Variants in OTUD7A observed in about 807,000 individuals in gnomAD.
OTUD7A encodes the protein OTU deubiquitinase 7A.
Under a neutral mutation model 65.7 loss-of-function variants are expected in OTUD7A, and 12 were observed. That is an observed-to-expected ratio of 0.18 (90% CI 0.12 to 0.30). The LOEUF (loss-of-function observed/expected upper bound fraction) is 0.30, where lower values mean the gene tolerates loss of function less well. OTUD7A is among the 10% of genes least tolerant of loss of function. The probability of loss-of-function intolerance (pLI) is 1.00; values close to 1 mark genes in which losing one functional copy is unlikely to be tolerated. For missense variants in OTUD7A, 1,148 were observed against 1,304.8 expected, an observed-to-expected ratio of 0.88 and a Z score of 1.85; for synonymous variants, 641 against 586.3, an observed-to-expected ratio of 1.09 and a Z score of -1.35.
chr15:31,860,632 T>C (rs28497194), intron 1 of OTUD7A, among the ~76,000 whole-genome samples: 2,517 of 82,830 alleles, frequency 0.03, 7 homozygotes, highest in South Asian at 0.066. Flanking sequence ...GATATATATA[T>C]ATATATATAT....
intron 3 of OTUD7A, among the ~76,000 whole-genome samples, chr15:31,645,450 T>C (rs745719443): frequency 2.9e-4 from 44 of 152,182 alleles, no homozygotes; most frequent in Non-Finnish European, 5.7e-4. Flanking sequence ...CTATCCAGGT[T>C]TAATCAAAAT....
chr15:31,489,807 C>T (rs2041291445), intron 10 of OTUD7A, among the ~76,000 whole-genome samples: 1 of 152,232 alleles, frequency 6.6e-6, no homozygotes, highest in South Asian at 2.1e-4. Flanking sequence ...GGGGACTCCT[C>T]CCCTCAACAG....
intron 4 of OTUD7A, among the ~76,000 whole-genome samples, chr15:31,561,099 G>A (rs1000132952): frequency 3.3e-4 from 50 of 152,346 alleles, no homozygotes; most frequent in African/African-American, 1.2e-3. Flanking sequence ...GGGTGGTTTA[G>A]ATTCACCTTC....
chr15:31,655,364 C>T (rs531666361), intron 2 of OTUD7A, 114 bp from the exon 3 acceptor site: 4 of 562,108 alleles, frequency 7.1e-6, no homozygotes, highest in Non-Finnish European at 1.2e-5. Flanking sequence ...CCATTTCCAC[C>T]TGCTGTCATA....
chr15:31,638,846 T>C (rs1323875545), intron 3 of OTUD7A, among the ~76,000 whole-genome samples: 2 of 152,122 alleles, frequency 1.3e-5, no homozygotes, highest in East Asian at 3.9e-4. Flanking sequence ...TCTCAAAAGA[T>C]TCCTCAGGCC....
At chr15:31,758,186 A>G (rs142610627) in intron 1 of OTUD7A, among the ~76,000 whole-genome samples, 23 of 152,324 alleles carry the variant, frequency 1.5e-4, no homozygotes, top group African/African-American at 5.1e-4. Context: ...AAACACATAT[A>G]AAACTGTAGA....
intron 2 of OTUD7A, among the ~76,000 whole-genome samples, chr15:31,656,344 T>C (rs1475037402): frequency 2.0e-5 from 3 of 152,118 alleles, no homozygotes; most frequent in Admixed American, 6.5e-5. Context: ...CTGCAAGTTA[T>C]AGACCATGGG....
Position 31,483,615 on chromosome 15 carries a change from G to A in OTUD7A, c.2481C>T (p.Val827=), listed in dbSNP as rs1595547749. 4.1e-6 allele frequency: 5 copies of A among 1,205,928 alleles called. No homozygotes were observed. The highest frequency in any genetic ancestry group is 7.0e-5 in the South Asian group (2 of 28,734). The allele number at this position is 1,205,928 out of a possible 1,614,324, so 74.7% of individuals were successfully genotyped here. Residue 827 remains valine, a synonymous_variant, in exon 13 of 13, where the codon GTC becomes GTT. Coordinates refer to ENST00000307050, the MANE Select transcript of OTUD7A (RefSeq NM_001382637.1). ...SPARAAALRT[V]NTVESLARAV... is the part of the protein sequence containing the mutation. ...CGCGCGCCAGCGACTCGACCGTGTT[G>A]ACGGTGCGCAGGGCGGCGGCGCGCG... is the stretch of plus-strand genomic sequence containing the variant.
rs1348955519 is a variant in OTUD7A at position 31,478,906 on chromosome 15, A to G, written c.*4388T>C. Reference sequence around the variant, plus strand: ...ACTACCCAGGACCCACTCCCGAGTCAGTGAGGCAGCACTGGCAGAAATACA... The same window carrying G: ...ACTACCCAGGACCCACTCCCGAGTCGGTGAGGCAGCACTGGCAGAAATACA... On this transcript the variant is annotated 3_prime_UTR_variant, in exon 13 of 13. Coordinates refer to ENST00000307050, the MANE Select transcript of OTUD7A (RefSeq NM_001382637.1). 1 of 152,400 alleles carries G rather than the reference A, an allele frequency of 6.6e-6. No individual in the cohort carries two copies. Among genetic ancestry groups the G allele is most frequent in the Non-Finnish European group, 1.5e-5 (1 of 68,204 alleles). 9.4% of individuals were successfully genotyped at this position (152,400 alleles called of 1,614,324 possible). A position where few individuals can be genotyped will look rare whatever the true frequency, so the allele number is the denominator to read the frequency against.
intron 5 of OTUD7A, among the ~76,000 whole-genome samples, chr15:31,540,542 C>G (rs955691645): frequency 5.3e-5 from 8 of 152,188 alleles, no homozygotes; most frequent in African/African-American, 1.9e-4. Context: ...CTTAACCACT[C>G]TGTTTCAGTG....
At chr15:31,535,054 T>C (rs554862285) in intron 5 of OTUD7A, among the ~76,000 whole-genome samples, 8 of 152,338 alleles carry the variant, frequency 5.3e-5, no homozygotes, top group East Asian at 3.9e-4. Context: ...TACTTTGCTG[T>C]TGGGATTGTA....
chr15:31,601,665 T>G (rs1890080179), intron 3 of OTUD7A, among the ~76,000 whole-genome samples: 1 of 151,718 alleles, frequency 6.6e-6, no homozygotes, highest in Non-Finnish European at 1.5e-5. Context: ...AATCAATGAA[T>G]CCAGGAGCTA....
rs932610762 is a variant in OTUD7A, at chr15:31,749,910, T to C, written c.-99-92833A>G. On this transcript the variant is annotated intron_variant, in intron 1 of 12. Transcript: ENST00000307050. ...CGTGCAAAAATCAGTAGCATTTCTA[T>C]ACACCAATAACATTCAAGCTGGGAG... Among the ~76,000 whole-genome samples the C allele has an allele frequency of 4.6e-5, 7 of 152,116 alleles. No individual in the cohort carries two copies. In the South Asian group the frequency reaches 1.2e-3, roughly 27 times the overall value.
chr15:31,667,215 T>C (rs978811544), intron 1 of OTUD7A, among the ~76,000 whole-genome samples: 1 of 145,262 alleles, frequency 6.9e-6, no homozygotes, highest in Non-Finnish European at 1.5e-5. Flanking sequence ...TCTAGTGCTG[T>C]CAGTGGAGTA....
intron 1 of OTUD7A, among the ~76,000 whole-genome samples, chr15:31,803,739 C>T (rs1195222121): frequency 6.6e-6 from 1 of 152,226 alleles, no homozygotes; most frequent in Non-Finnish European, 1.5e-5. Flanking sequence ...GTGCCTTCCA[C>T]TGTGACCATC....
rs2041063190 is a variant in OTUD7A at position 31,478,642 on chromosome 15, G to A, written c.*4652C>T. 2 of 152,162 alleles carry A rather than the reference G, an allele frequency of 1.3e-5. No individual in the cohort carries two copies. The highest frequency in any genetic ancestry group is 1.3e-4 in the Admixed American group (2 of 15,268). The allele number at this position is 152,162 out of a possible 1,614,324, so 9.4% of individuals were successfully genotyped here. ...GACTGCACATAACTGTTGTTCCCAA[G>A]GGGTCCCTGCAGGGCATCTCCCTCG... On this transcript the variant is annotated 3_prime_UTR_variant, in exon 13 of 13. Transcript: ENST00000307050.
Position 31,517,660 on chromosome 15 carries a change from G to C in OTUD7A, c.893+8689C>G, listed in dbSNP as rs1043765364. ...GGCACCTACATCTGCTTCTCCAGTGGGTACTTGAGGAGGGAGAATTTCCAG... is the reference window on the plus strand; with the variant it reads ...GGCACCTACATCTGCTTCTCCAGTGCGTACTTGAGGAGGGAGAATTTCCAG... On this transcript the variant is annotated intron_variant, in intron 8 of 12. Transcript: ENST00000307050. 7.2e-5 allele frequency among the ~76,000 whole-genome samples: 11 copies of C among 152,226 alleles called. 2 individuals carry two copies. The highest frequency in any genetic ancestry group is 2.6e-4 in the African/African-American group (11 of 41,526).
At chr15:31,555,933 C>G (rs574226649) in intron 5 of OTUD7A, 2 of 151,432 alleles carry the variant, frequency 1.3e-5, no homozygotes, top group South Asian at 4.2e-4. Context: ...CCCTGACTGC[C>G]CGGACTCAAG....
intron 3 of OTUD7A, among the ~76,000 whole-genome samples, chr15:31,578,658 TCTC>T (rs1889278855): frequency 3.3e-5 from 5 of 152,032 alleles, no homozygotes; most frequent in African/African-American, 2.4e-5. Context: ...TTCAAGCAAT[TCTC>T]CTGCTTCAGC....
Sources: gnomAD v4.1 joint callset for allele counts (sites outside exome capture counted in the v4.1 genomes callset) on GRCh38, gnomAD v4.1.1 for gene constraint, MANE v1.5 for transcripts, NCBI Gene and HGNC (gene_info 2026-07-23, HGNC 2026-07-21) for gene names.